Variants in PPP1R14C observed in about 807,000 individuals in gnomAD.
PPP1R14C encodes protein phosphatase 1 regulatory inhibitor subunit 14C.
A neutral mutation model predicts 20.4 loss-of-function variants in PPP1R14C; 16 were observed. The observed-to-expected ratio is 0.78, with a 90% CI of 0.53 to 1.19. The LOEUF (loss-of-function observed/expected upper bound fraction) is 1.19. Among genes scored for constraint, PPP1R14C ranks in the 50% most tolerant of loss-of-function variants. The pLI, the probability that PPP1R14C is intolerant of heterozygous loss-of-function variation, is 0.00. For synonymous variants in PPP1R14C, 91 were observed against 91.0 expected (o/e 1.00, Z 0.00); for missense variants, 211 against 220.1 (o/e 0.96, Z 0.26).
intron 1 of PPP1R14C, among the ~76,000 whole-genome samples, chr6:150,197,607 G>C (rs956124890): frequency 6.6e-6 from 1 of 152,284 alleles, no homozygotes; most frequent in Non-Finnish European, 1.5e-5. Flanking sequence ...CTGTAGCGGG[G>C]TGGAGAGAAA....
rs1297114928 is a variant in PPP1R14C, at chr6:150,143,845, C to A, written c.306+347C>A. Among the ~76,000 whole-genome samples the A allele has an allele frequency of 1.3e-5, 2 of 152,204 alleles. No homozygotes were observed. The highest frequency in any genetic ancestry group is 4.8e-5 in the African/African-American group (2 of 41,460). On this transcript the variant is annotated intron_variant, in intron 1 of 3. Coordinates refer to ENST00000361131, the MANE Select transcript of PPP1R14C (RefSeq NM_030949.3). This position sits in a 1 kb window ranked among gnomAD's most constrained non-coding sequence, Gnocchi z 5.6. ...GCAAAGCGGGGCTCGGAGGGGCTCA[C>A]TCCAGCTGCGCCTCAGCAGCGGTTG...
In PPP1R14C at chr6:150,225,564, T is replaced by G. The variant is rs144287200; in HGVS notation, c.423+8708T>G. Among the ~76,000 whole-genome samples the G allele has an allele frequency of 2.5e-3, 388 of 152,328 alleles. 1 individual carries two copies. The highest frequency in any genetic ancestry group is 7.9e-3 in the African/African-American group (327 of 41,566). On this transcript the variant is annotated intron_variant, in intron 3 of 3. Transcript: ENST00000361131. ...CTTCCCTTGTGGATCTAAAAAGAGTTGTGGATTTTTGAGTTTGTTCAGCTT... is the reference window on the plus strand; with the variant it reads ...CTTCCCTTGTGGATCTAAAAAGAGTGGTGGATTTTTGAGTTTGTTCAGCTT...
At chr6:150,216,922 T>C in intron 3 of PPP1R14C, 66 bp downstream of exon 3, 1 of 1,339,654 alleles carries the variant, frequency 7.5e-7, no homozygotes, top group Non-Finnish European at 1.1e-6. Context: ...TTTGTCTATT[T>C]TTAAAGCAAA....
At chr6:150,169,135 C>T (rs1244815963) in intron 1 of PPP1R14C, among the ~76,000 whole-genome samples, 5 of 152,152 alleles carry the variant, frequency 3.3e-5, no homozygotes, top group African/African-American at 1.2e-4. Flanking sequence ...TCGTGGCCTC[C>T]CAAAGTGCTG....
At chr6:150,146,946 G>A (rs1485825353) in intron 1 of PPP1R14C, among the ~76,000 whole-genome samples, 6 of 152,080 alleles carry the variant, frequency 3.9e-5, no homozygotes, top group African/African-American at 7.2e-5. Flanking sequence ...TTTTGAATAC[G>A]TAGATAAGTG....
intron 1 of PPP1R14C, among the ~76,000 whole-genome samples, chr6:150,150,802 C>T (rs1391249366): frequency 6.6e-6 from 1 of 152,078 alleles, no homozygotes; most frequent in Non-Finnish European, 1.5e-5. Flanking sequence ...AGTTTTCAAC[C>T]TCTCTGGCCC....
At chr6:150,152,681 G>T (rs948205241) in intron 1 of PPP1R14C, among the ~76,000 whole-genome samples, 1 of 151,982 alleles carries the variant, frequency 6.6e-6, no homozygotes, top group African/African-American at 2.4e-5. Flanking sequence ...TCCATCTCCT[G>T]CTGTCAGGCT....
chr6:150,147,673 T>C (rs908776088), intron 1 of PPP1R14C, among the ~76,000 whole-genome samples: 8 of 152,252 alleles, frequency 5.3e-5, no homozygotes, highest in African/African-American at 1.7e-4. Context: ...ATGATTGCAA[T>C]GCCCGTAGCA....
In PPP1R14C at chr6:150,228,202, C is replaced by T. The variant is rs75364700; in HGVS notation, c.423+11346C>T. 1.4e-4 allele frequency among the ~76,000 whole-genome samples: 22 copies of T among 152,306 alleles called. No individual in the cohort carries two copies. In the East Asian group the frequency reaches 4.2e-3, roughly 29 times the overall value. ...CATGCAGTCATGAAGCAAAACTCTG[C>T]ATTTATTTCCTGGACTTCATTCAGC... On this transcript the variant is annotated intron_variant, in intron 3 of 3. Coordinates refer to ENST00000361131, the MANE Select transcript of PPP1R14C (RefSeq NM_030949.3).
chr6:150,174,289 G>A (rs1273724913), intron 1 of PPP1R14C, among the ~76,000 whole-genome samples: 22 of 151,976 alleles, frequency 1.4e-4, no homozygotes, highest in Admixed American at 1.4e-3. Context: ...GTGCGATCTC[G>A]GCTCACTGCA....
At chr6:150,194,543 G>T (rs556867174) in intron 1 of PPP1R14C, 1 of 970,008 alleles carries the variant, frequency 1.0e-6, no homozygotes, top group African/African-American at 1.8e-5. Flanking sequence ...AATTAAAGGA[G>T]TAGCTCTTTG....
intron 1 of PPP1R14C, among the ~76,000 whole-genome samples, chr6:150,178,127 C>T (rs1348516424): frequency 6.6e-6 from 1 of 152,188 alleles, no homozygotes; most frequent in Non-Finnish European, 1.5e-5. Flanking sequence ...GCCTTTTGTG[C>T]AGAGCCTTGC....
At chr6:150,242,713 T>A (rs1217467450) in intron 3 of PPP1R14C, among the ~76,000 whole-genome samples, 1 of 152,166 alleles carries the variant, frequency 6.6e-6, no homozygotes, top group Non-Finnish European at 1.5e-5. Context: ...GCCAGTACAG[T>A]TAGGCCAAAA....
At chr6:150,214,106 A>G (rs1243829340) in intron 1 of PPP1R14C, among the ~76,000 whole-genome samples, 1 of 152,204 alleles carries the variant, frequency 6.6e-6, no homozygotes, top group Non-Finnish European at 1.5e-5. Flanking sequence ...GCCTTTTCCC[A>G]GAGCCCCCTT....
chr6:150,203,657 A>G (rs1777906053), intron 1 of PPP1R14C, among the ~76,000 whole-genome samples: 3 of 151,810 alleles, frequency 2.0e-5, no homozygotes, highest in Admixed American at 2.0e-4. Flanking sequence ...TGCCTCAGTC[A>G]TGAGCAGTTG....
At chr6:150,195,353 A>G (rs554218654) in intron 1 of PPP1R14C, 1 of 186,548 alleles carries the variant, frequency 5.4e-6, no homozygotes, top group South Asian at 1.8e-4. Flanking sequence ...ATCTGGATTG[A>G]CATGTTTTGT....
At chr6:150,244,202 C>T (rs141618954) in intron 3 of PPP1R14C, among the ~76,000 whole-genome samples, 39 of 151,762 alleles carry the variant, frequency 2.6e-4, no homozygotes, top group African/African-American at 9.4e-4. Context: ...ACCTTGTAGC[C>T]TCTTTCCCAA....
intron 3 of PPP1R14C, among the ~76,000 whole-genome samples, chr6:150,217,574 C>G (rs189739876): frequency 6.6e-6 from 1 of 152,152 alleles, no homozygotes; most frequent in Admixed American, 6.5e-5. Flanking sequence ...AAATGTTATG[C>G]TTTGTTTAGA....
At chr6:150,173,846 A>G (rs1341106279) in intron 1 of PPP1R14C, among the ~76,000 whole-genome samples, 1 of 151,954 alleles carries the variant, frequency 6.6e-6, no homozygotes, top group Non-Finnish European at 1.5e-5. Flanking sequence ...CTCTCATCTC[A>G]ACTTCAGGAT....
Sources: gnomAD v4.1 joint callset for allele counts (sites outside exome capture counted in the v4.1 genomes callset) on GRCh38, gnomAD v4.1.1 for gene constraint, Gnocchi (gnomAD v3.1) non-coding constraint, MANE v1.5 for transcripts, NCBI Gene and HGNC (gene_info 2026-07-23, HGNC 2026-07-21) for gene names.